RALGPS1: variants seen among roughly 807,000 people sequenced by gnomAD.
RALGPS1 encodes ras-specific guanine nucleotide-releasing factor RalGPS1.
A neutral mutation model predicts 78.8 loss-of-function variants in RALGPS1; 19 were observed. The observed-to-expected ratio is 0.24, with a 90% confidence interval of 0.17 to 0.35. The LOEUF (loss-of-function observed/expected upper bound fraction) is 0.35. Ranked by LOEUF, RALGPS1 falls within the 10% of genes least tolerant of loss-of-function variation. The pLI is 1.00. For synonymous variants in RALGPS1, 228 were observed against 256.3 expected (o/e 0.89, Z 1.06); for missense variants, 454 against 688.3 (o/e 0.66, Z 3.81).
Position 127,139,222 on chromosome 9 carries a change from G to A in RALGPS1, c.611-26847G>A, listed in dbSNP as rs183245669. On this transcript the variant is annotated intron_variant, in intron 8 of 18. Transcript: ENST00000259351. ...ACACGGCAGACCTAGTGAGGTATGAGTTGACAAGTCACCCATGTTCCCATC... is the reference window on the plus strand; with the variant it reads ...ACACGGCAGACCTAGTGAGGTATGAATTGACAAGTCACCCATGTTCCCATC... Among the ~76,000 whole-genome samples, 6 of 152,314 alleles carry A rather than the reference G, an allele frequency of 3.9e-5. No individual in the cohort carries two copies. In the East Asian group the frequency reaches 7.7e-4, roughly 20 times the overall value.
At chr9:127,115,789 G>A (rs150811299) in intron 8 of RALGPS1, among the ~76,000 whole-genome samples, 14 of 152,242 alleles carry the variant, frequency 9.2e-5, no homozygotes, top group African/African-American at 2.7e-4. Context: ...GCTTGATCAC[G>A]CAAGTGGTAA....
chr9:126,940,806 G>A (rs1389382975), intron 1 of RALGPS1, among the ~76,000 whole-genome samples: 1 of 152,202 alleles, frequency 6.6e-6, no homozygotes, highest in Admixed American at 6.5e-5. Context: ...TGCAGCACCA[G>A]GCACCAGACC....
intron 1 of RALGPS1, among the ~76,000 whole-genome samples, chr9:126,957,341 G>A (rs2038440709): frequency 6.6e-6 from 1 of 151,108 alleles, no homozygotes; most frequent in Non-Finnish European, 1.5e-5. Context: ...AAGGCCTCTC[G>A]TTTGGGCCAG....
At chr9:127,066,324 C>T (rs1165585518) in intron 7 of RALGPS1, among the ~76,000 whole-genome samples, 3 of 152,160 alleles carry the variant, frequency 2.0e-5, no homozygotes, top group Non-Finnish European at 2.9e-5. Flanking sequence ...GAATAAGGGG[C>T]GTGAGTGGTC....
chr9:126,965,858 G>C lies in RALGPS1; in HGVS notation c.72G>C (p.Ser24=). Residue 24 remains serine (S), a synonymous_variant, in exon 3 of 19, where the codon TCG becomes TCC. Transcript: ENST00000259351. ...GCTCTCCACAGGGCAGCAGCAGCTCGGACTCTCTGGAGGGCCAGAGCTGCG... is the reference window on the plus strand; with the variant it reads ...GCTCTCCACAGGGCAGCAGCAGCTCCGACTCTCTGGAGGGCCAGAGCTGCG... ...TSATPQGSSS[S]DSLEGQSCDY... The C allele has an allele frequency of 1.2e-6, 2 of 1,613,874 alleles. No individual in the cohort carries two copies. The highest frequency in any genetic ancestry group is 1.7e-6 in the Non-Finnish European group (2 of 1,179,884).
chr9:127,047,869 T>G (rs1589198980), intron 5 of RALGPS1, among the ~76,000 whole-genome samples: 1 of 152,100 alleles, frequency 6.6e-6, no homozygotes, highest in Non-Finnish European at 1.5e-5. Context: ...AGTTAAAAAC[T>G]TAAGTTTTGT....
chr9:127,103,591 C>T (rs1367116567), intron 8 of RALGPS1, among the ~76,000 whole-genome samples: 1 of 152,196 alleles, frequency 6.6e-6, no homozygotes, highest in Non-Finnish European at 1.5e-5. Context: ...GAGTCAGGTG[C>T]ACGTTGTACT....
chr9:127,004,255 C>G lies in RALGPS1; in HGVS notation c.216+26510C>G, dbSNP rs144902087. On this transcript the variant is annotated intron_variant, in intron 4 of 18. Transcript: ENST00000259351. ...TTGCCTCTCAGATTCAAGTGATTCT[C>G]CTGCCTCAGCCTCCCAAGCAGCTGG... Among the ~76,000 whole-genome samples the G allele has an allele frequency of 2.0e-5, 3 of 152,194 alleles. No homozygotes were observed. The South Asian group carries it at 6.2e-4, about 31-fold the overall frequency.
intron 7 of RALGPS1, among the ~76,000 whole-genome samples, chr9:127,056,983 T>C (rs2048799774): frequency 6.6e-6 from 1 of 152,150 alleles, no homozygotes; most frequent in Non-Finnish European, 1.5e-5. Flanking sequence ...GAACCAGCCA[T>C]AACATCCCCA....
chr9:127,153,706 G>T (rs1184770431), intron 8 of RALGPS1, among the ~76,000 whole-genome samples: 2 of 152,218 alleles, frequency 1.3e-5, no homozygotes, highest in Non-Finnish European at 2.9e-5. Flanking sequence ...CAGCAGACAT[G>T]CTTTCCTGCC....
intron 4 of RALGPS1, among the ~76,000 whole-genome samples, chr9:127,030,579 T>TC (rs901359638): frequency 6.6e-6 from 1 of 151,944 alleles, no homozygotes; most frequent in East Asian, 1.9e-4. Flanking sequence ...TTTAAGTCGT[T>TC]CTCTTGCAAG....
chr9:127,031,942 A>G (rs546023049), intron 4 of RALGPS1, among the ~76,000 whole-genome samples: 19 of 152,232 alleles, frequency 1.2e-4, no homozygotes, highest in Non-Finnish European at 7.3e-5. Context: ...ATATCAGCAA[A>G]ATGAAAGAGA....
chr9:127,196,424 C>A (rs750432570), intron 12 of RALGPS1, 50 bp from the exon 13 acceptor site: 1 of 1,567,050 alleles, frequency 6.4e-7, no homozygotes, highest in East Asian at 2.3e-5. Flanking sequence ...TAACCACTGT[C>A]ACTCCATAGA....
At chr9:126,996,202 A>G (rs2042733438) in intron 4 of RALGPS1, among the ~76,000 whole-genome samples, 1 of 152,236 alleles carries the variant, frequency 6.6e-6, no homozygotes, top group Non-Finnish European at 1.5e-5. Flanking sequence ...TGAAGGAAAT[A>G]GAGACACAAA....
intron 8 of RALGPS1, among the ~76,000 whole-genome samples, chr9:127,162,612 C>T (rs980151558): frequency 1.3e-5 from 2 of 152,112 alleles, no homozygotes; most frequent in Non-Finnish European, 2.9e-5. Flanking sequence ...CTACCCAGTC[C>T]GCAGCAGGTA....
intron 7 of RALGPS1, among the ~76,000 whole-genome samples, chr9:127,061,159 G>A (rs1448616964): frequency 6.6e-6 from 1 of 152,150 alleles, no homozygotes; most frequent in Non-Finnish European, 1.5e-5. Context: ...GACATTGGCA[G>A]CAAACACCAG....
At chr9:126,931,821 T>A (rs2035814663) in intron 1 of RALGPS1, among the ~76,000 whole-genome samples, 1 of 152,210 alleles carries the variant, frequency 6.6e-6, no homozygotes, top group Non-Finnish European at 1.5e-5. Context: ...TATTAAATTT[T>A]AATTGTAAAA....
intron 4 of RALGPS1, among the ~76,000 whole-genome samples, chr9:127,033,312 G>A (rs1452615198): frequency 6.6e-6 from 1 of 152,168 alleles, no homozygotes; most frequent in Non-Finnish European, 1.5e-5. Flanking sequence ...CTCCCACCAA[G>A]CCCCTGTCTG....
chr9:127,172,218 C>A (rs2059601831), intron 10 of RALGPS1, among the ~76,000 whole-genome samples: 1 of 152,246 alleles, frequency 6.6e-6, no homozygotes, highest in Non-Finnish European at 1.5e-5. Context: ...TTGGACTAGA[C>A]CCGGCCTTGC....
Sources: allele counts gnomAD v4.1 joint callset (sites outside exome capture counted in the v4.1 genomes callset), GRCh38; gene constraint gnomAD v4.1.1; transcripts MANE v1.5; gene names NCBI Gene and HGNC (gene_info 2026-07-23, HGNC 2026-07-21).